KCNAB2: variants seen among roughly 807,000 people sequenced by gnomAD.
The protein encoded by KCNAB2 is voltage-gated potassium channel subunit beta-2.
A neutral mutation model predicts 63.6 loss-of-function variants in KCNAB2; 29 were observed. The observed-to-expected ratio is 0.46, with a 90% CI of 0.34 to 0.62. KCNAB2 has a LOEUF of 0.62. KCNAB2 is among the 20% of genes least tolerant of loss of function. The pLI, the probability that KCNAB2 is intolerant of heterozygous loss-of-function variation, is 0.01. For missense variants in KCNAB2, 359 were observed against 563.9 expected (o/e 0.64, Z 3.68); for synonymous variants, 222 against 224.2 (o/e 0.99, Z 0.09).
chr1:6,084,333 C>T (rs1159149791), intron 5 of KCNAB2, among the ~76,000 whole-genome samples: 1 of 152,176 alleles, frequency 6.6e-6, no homozygotes, highest in African/African-American at 2.4e-5. Flanking sequence ...CAGTGGTCCG[C>T]CTAGCATCTG....
chr1:6,081,892 A>G (rs1321648602), intron 4 of KCNAB2, among the ~76,000 whole-genome samples: 1 of 152,242 alleles, frequency 6.6e-6, no homozygotes, highest in Non-Finnish European at 1.5e-5. Flanking sequence ...GACCCAGTAC[A>G]GGTGCTAAGC....
intron 1 of KCNAB2, among the ~76,000 whole-genome samples, chr1:6,022,004 C>T (rs1159791711): frequency 4.6e-5 from 7 of 151,198 alleles, no homozygotes; most frequent in African/African-American, 7.3e-5. Context: ...GTGTATAGTT[C>T]GGTGGTATTG....
chr1:6,097,545 G>GA, intron 15 of KCNAB2, 188 bp downstream of exon 15: 1 of 1,001,268 alleles, frequency 1.0e-6, no homozygotes, highest in South Asian at 1.4e-5. Flanking sequence ...CTAACTGCAC[G>GA]AAACAAGGAG....
intron 1 of KCNAB2, among the ~76,000 whole-genome samples, chr1:6,009,213 T>C (rs767166398): frequency 9.2e-5 from 14 of 152,200 alleles, no homozygotes; most frequent in Admixed American, 1.3e-4. Flanking sequence ...TGGGCCTTGC[T>C]CTGCACCTAT....
At position 6,096,901 on chromosome 1, in the gene KCNAB2, C is replaced by T. The variant is rs1665688603; in HGVS notation, c.1069+145C>T. On this transcript the variant is annotated intron_variant, in intron 14 of 15. Transcript: ENST00000378083. The surrounding 1 kb of genome is among the most constrained non-coding windows in gnomAD (Gnocchi z 5.9). The stretch of plus-strand genomic sequence containing the variant: ...CTGGACATCATCCCCCAGCCAGCCT[C>T]GGGTAATCGGGCTCTAAGGGGCATG... 7.9e-6 allele frequency: 9 copies of T among 1,144,784 alleles called. No homozygotes were observed. The highest frequency in any genetic ancestry group is 1.6e-5 in the South Asian group (1 of 60,790). 70.9% of individuals were successfully genotyped at this position (1,144,784 alleles called of 1,614,324 possible).
chr1:6,036,712 G>A (rs961513293), intron 1 of KCNAB2, among the ~76,000 whole-genome samples: 1 of 151,960 alleles, frequency 6.6e-6, no homozygotes, highest in African/African-American at 2.4e-5. Context: ...AGGTGGCTTT[G>A]AGCACAGATC....
intron 1 of KCNAB2, among the ~76,000 whole-genome samples, chr1:6,047,819 G>A (rs1661054309): frequency 6.6e-6 from 1 of 152,194 alleles, no homozygotes; most frequent in African/African-American, 2.4e-5. Context: ...CACCAGCCCT[G>A]CTCCTCACCC....
Position 6,096,212 on chromosome 1 carries a change from C to T in KCNAB2, c.949-424C>T. ...CTCCCATCCCATGGCAAGGTCAGGG[C>T]CCCCCTCCAGGAGGCCCTGCAATCC... On this transcript the variant is annotated intron_variant, in intron 13 of 15. Coordinates refer to ENST00000378083, the MANE Select transcript of KCNAB2 (RefSeq NM_001199862.2). This position sits in a 1 kb window ranked among gnomAD's most constrained non-coding sequence, Gnocchi z 5.9. 1 of 454,532 alleles carries T rather than the reference C, an allele frequency of 2.2e-6. No individual in the cohort carries two copies. Among genetic ancestry groups the T allele is most frequent in the Middle Eastern group, 4.5e-4 (1 of 2,222 alleles). 28.2% of individuals were successfully genotyped at this position (454,532 alleles called of 1,614,324 possible).
intron 4 of KCNAB2, among the ~76,000 whole-genome samples, chr1:6,081,246 G>A (rs1299324140): frequency 3.3e-5 from 5 of 152,254 alleles, no homozygotes; most frequent in Non-Finnish European, 7.3e-5. Flanking sequence ...GCCGCTCAGG[G>A]CCGGGAGTAT....
rs564339188 is a variant in KCNAB2, at chr1:6,069,163, T to C, written c.219-3592T>C. ...CTGGAATCTCGGAGCAGGGCAGGCG[T>C]GCAAACATCATCACTGCACGGAGCA... On this transcript the variant is annotated intron_variant, in intron 2 of 15. Coordinates refer to ENST00000378083, the MANE Select transcript of KCNAB2 (RefSeq NM_001199862.2). The surrounding 1 kb of genome is among the most constrained non-coding windows in gnomAD (Gnocchi z 5.4). Among the ~76,000 whole-genome samples the C allele has an allele frequency of 6.6e-6, 1 of 152,300 alleles. No homozygotes were observed. The highest frequency in any genetic ancestry group is 1.9e-4 in the East Asian group (1 of 5,176).
intron 4 of KCNAB2, among the ~76,000 whole-genome samples, chr1:6,077,731 G>A (rs1305908311): frequency 6.6e-6 from 1 of 152,184 alleles, no homozygotes; most frequent in Non-Finnish European, 1.5e-5. Flanking sequence ...AGAGCCAGGA[G>A]CATCCGGGGC....
chr1:6,078,931 G>A lies in KCNAB2; in HGVS notation c.301-3264G>A, dbSNP rs989243155. The stretch of plus-strand genomic sequence containing the variant: ...AGAGAGGATGGAAGCAGAGAGCTAG[G>A]AGGCTATTGTGAGAAACCACCCAAG... On this transcript the variant is annotated intron_variant, in intron 4 of 15. Transcript: ENST00000378083. This position sits in a 1 kb window ranked among gnomAD's most constrained non-coding sequence, Gnocchi z 4.2. 3.9e-5 allele frequency among the ~76,000 whole-genome samples: 6 copies of A among 152,212 alleles called. No individual in the cohort carries two copies. The highest frequency in any genetic ancestry group is 1.4e-4 in the African/African-American group (6 of 41,448).
At chr1:6,057,180 AT>A (rs1301294590) in intron 2 of KCNAB2, among the ~76,000 whole-genome samples, 2 of 151,318 alleles carry the variant, frequency 1.3e-5, no homozygotes, top group Non-Finnish European at 2.9e-5. Context: ...CCAGATGTGG[AT>A]GGCAGGGAGC....
intron 8 of KCNAB2, 148 bp downstream of exon 8, chr1:6,089,199 C>A: frequency 1.2e-6 from 1 of 866,526 alleles, no homozygotes. Flanking sequence ...CTGACCTTCT[C>A]CTTCCACCCA....
In KCNAB2 at chr1:6,078,792, C is replaced by T. The variant is rs943422382; in HGVS notation, c.301-3403C>T. Reference sequence around the variant, plus strand: ...TTCAGCGTGTGCACGATCCCATGTACTCGGAAGGCACATCCTGATGTGGCA... The same window carrying T: ...TTCAGCGTGTGCACGATCCCATGTATTCGGAAGGCACATCCTGATGTGGCA... On this transcript the variant is annotated intron_variant, in intron 4 of 15. Coordinates refer to ENST00000378083, the MANE Select transcript of KCNAB2 (RefSeq NM_001199862.2). The surrounding 1 kb of genome is among the most constrained non-coding windows in gnomAD (Gnocchi z 4.2). Among the ~76,000 whole-genome samples the T allele has an allele frequency of 6.6e-6, 1 of 152,012 alleles. No individual in the cohort carries two copies. The highest frequency in any genetic ancestry group is 2.4e-5 in the African/African-American group (1 of 41,246).
At chr1:6,064,118 G>T (rs1308007415) in intron 2 of KCNAB2, among the ~76,000 whole-genome samples, 2 of 152,230 alleles carry the variant, frequency 1.3e-5, no homozygotes, top group Admixed American at 1.3e-4. Flanking sequence ...GTAAGGAAGA[G>T]GTAGAGGATT....
rs891243851 is a variant in KCNAB2, at chr1:6,097,373, C to T, written c.1158+16C>T. 2 of 1,550,916 alleles carry T rather than the reference C, an allele frequency of 1.3e-6. No individual in the cohort carries two copies. The highest frequency in any genetic ancestry group is 1.7e-6 in the Non-Finnish European group (2 of 1,147,130). On this transcript the variant is annotated intron_variant, in intron 15 of 15. Coordinates refer to ENST00000378083, the MANE Select transcript of KCNAB2 (RefSeq NM_001199862.2). ...GGCAATACAGGTAAGAGTGAGAGGCCCTGCTGGGCAGAGGGCCCATCCCAG... is the reference window on the plus strand; with the variant it reads ...GGCAATACAGGTAAGAGTGAGAGGCTCTGCTGGGCAGAGGGCCCATCCCAG...
At chr1:6,005,425 T>TGAGCTGAGGGGTGAGGGTGGAGTGGG (rs1557922525) in intron 1 of KCNAB2, among the ~76,000 whole-genome samples, 1 of 700 alleles carries the variant, frequency 1.4e-3, no homozygotes, top group African/African-American at 5.0e-3. Flanking sequence ...GGTGGAGTTG[T>TGAGCTGAGGGGTGAGGGTGGAGTGGG]GGGTTGTGTG....
chr1:6,075,057 G>C (rs1663549118), intron 4 of KCNAB2, among the ~76,000 whole-genome samples: 3 of 152,276 alleles, frequency 2.0e-5, no homozygotes, highest in South Asian at 4.1e-4. Flanking sequence ...AGTTATTAAG[G>C]CAAAAGGAAT....
Sources: gnomAD v4.1 joint callset for allele counts (sites outside exome capture counted in the v4.1 genomes callset) on GRCh38, gnomAD v4.1.1 for gene constraint, Gnocchi (gnomAD v3.1) non-coding constraint, MANE v1.5 for transcripts, NCBI Gene and HGNC (gene_info 2026-07-23, HGNC 2026-07-21) for gene names.